KLHL12: variants seen among roughly 807,000 people sequenced by gnomAD.
The protein encoded by KLHL12 is kelch-like protein 12.
A neutral mutation model predicts 60.8 loss-of-function variants in KLHL12; 17 were observed. The observed-to-expected ratio is 0.28, with a 90% confidence interval of 0.19 to 0.42. The LOEUF (loss-of-function observed/expected upper bound fraction) is 0.42. Among genes scored for constraint, KLHL12 ranks in the 10% least tolerant of loss-of-function variants. The probability of loss-of-function intolerance (pLI) is 1.00; values close to 1 mark genes in which losing one functional copy is unlikely to be tolerated. For synonymous variants in KLHL12, 220 were observed against 250.9 expected, an observed-to-expected ratio of 0.88 and a Z score of 1.16; for missense variants, 468 against 722.3, an observed-to-expected ratio of 0.65 and a Z score of 4.04.
In KLHL12 at chr1:202,896,944, A is replaced by C. The variant is rs769880715; in HGVS notation, c.849T>G (p.Leu283=). 1.9e-5 allele frequency: 30 copies of C among 1,613,900 alleles called. No homozygotes were observed. Among genetic ancestry groups the C allele is most frequent in the Non-Finnish European group, 2.5e-5 (29 of 1,179,950 alleles). Residue 283 remains leucine (L), a synonymous_variant, in exon 7 of 12, where the codon CTT becomes CTG. Coordinates refer to ENST00000367261, the MANE Select transcript of KLHL12 (RefSeq NM_021633.4). The stretch of plus-strand genomic sequence containing the variant: ...GGCTTCCAAAGCCCCCAACCACCAA[A>C]AGCACTTCATTGGCTCCTGAAGACA... ...TRARLGANEV[L]LVVGGFGSQQ...
At chr1:202,927,911 G>A (rs1026730172), upstream of KLHL12, among the ~76,000 whole-genome samples, 3 of 151,540 alleles carry the variant, frequency 2.0e-5, no homozygotes, top group African/African-American at 7.3e-5. Context: ...GAACCTGGGA[G>A]GCGGAGGTTG....
intron 4 of KLHL12, 110 bp downstream of exon 4, chr1:202,918,061 C>A: frequency 1.2e-6 from 1 of 825,388 alleles, no homozygotes; most frequent in Non-Finnish European, 2.0e-6. Context: ...ATCTTTGAGC[C>A]AAAATGCACA....
upstream of KLHL12, among the ~76,000 whole-genome samples, chr1:202,928,282 AAAAAAAG>A (rs1242826243): frequency 6.6e-6 from 1 of 151,268 alleles, no homozygotes; most frequent in African/African-American, 2.4e-5. Context: ...CTCAAAAAAA[AAAAAAAG>A]AAAAAAGAAA....
At chr1:202,908,490 G>A (rs970304261) in intron 6 of KLHL12, among the ~76,000 whole-genome samples, 2 of 152,182 alleles carry the variant, frequency 1.3e-5, no homozygotes, top group African/African-American at 2.4e-5. Flanking sequence ...GCACACAGAG[G>A]TTAAGGTTCC....
At chr1:202,903,028 G>A (rs1341849503) in intron 6 of KLHL12, among the ~76,000 whole-genome samples, 2 of 151,188 alleles carry the variant, frequency 1.3e-5, no homozygotes, top group Non-Finnish European at 2.9e-5. Context: ...CACCATGGTG[G>A]CATACGCCTG....
chr1:202,895,491 T>A lies in KLHL12; in HGVS notation c.1135+31A>T. On this transcript the variant is annotated intron_variant, in intron 8 of 11. Coordinates refer to ENST00000367261, the MANE Select transcript of KLHL12 (RefSeq NM_021633.4). This position sits in a 1 kb window ranked among gnomAD's most constrained non-coding sequence, Gnocchi z 4.2. ...AAACCCTGGTCCAGCCACAGTAAGA[T>A]GGAAATAATTGCCCTGCACATCCAG... 1 of 1,593,494 alleles carries A rather than the reference T, an allele frequency of 6.3e-7. No homozygotes were observed. The highest frequency in any genetic ancestry group is 8.6e-7 in the Non-Finnish European group (1 of 1,167,776).
upstream of KLHL12, chr1:202,927,331 T>A: frequency 1.1e-6 from 1 of 935,344 alleles, no homozygotes; most frequent in South Asian, 4.9e-5. Flanking sequence ...TGGTGTCACG[T>A]GACCTGTCTG....
intron 4 of KLHL12, 99 bp from the exon 5 acceptor site, chr1:202,911,302 GC>G (rs1164896918): frequency 7.6e-7 from 1 of 1,311,348 alleles, no homozygotes; most frequent in Non-Finnish European, 1.1e-6. Context: ...GCTTCCCATT[GC>G]CCACCACCAT....
chr1:202,927,303 C>T, upstream of KLHL12: 2 of 983,718 alleles, frequency 2.0e-6, no homozygotes, highest in Non-Finnish European at 2.4e-6. Flanking sequence ...GCTCCAGAGT[C>T]TGCGTCACGT....
intron 6 of KLHL12, among the ~76,000 whole-genome samples, chr1:202,906,021 G>A (rs12747139): frequency 0.021 from 2,680 of 124,766 alleles, 34 homozygotes; most frequent in Non-Finnish European, 0.03. Context: ...GGGTTTCACC[G>A]TGTTAGCCTG....
chr1:202,911,185 C>G lies in KLHL12; in HGVS notation c.586G>C (p.Val196Leu), dbSNP rs767541754. ...ACCCAGTTGATGACAGCCTCAAAGACTGGCTCTTCAGAATCCACCTGTAAA... is the reference window on the plus strand; with the variant it reads ...ACCCAGTTGATGACAGCCTCAAAGAGTGGCTCTTCAGAATCCACCTGTAAA... ...DEIQVDSEEP[V>L]FEAVINWVKH... is the part of the protein sequence containing the mutation. Residue 196 changes from valine (V) to leucine (L), a missense_variant, in exon 5 of 12, where the codon GTC becomes CTC. Physicochemically the swap from Val to Leu is conservative, Grantham distance 32. This residue lies in a region of KLHL12 where 339 missense variants were observed against 525.0 expected (regional missense o/e 0.65). Coordinates refer to ENST00000367261, the MANE Select transcript of KLHL12 (RefSeq NM_021633.4). 6 of 1,614,012 alleles carry G rather than the reference C, an allele frequency of 3.7e-6. No individual in the cohort carries two copies. The highest frequency in any genetic ancestry group is 5.1e-6 in the Non-Finnish European group (6 of 1,180,018).
At chr1:202,923,918 G>T (rs1653367019) in intron 2 of KLHL12, among the ~76,000 whole-genome samples, 2 of 151,832 alleles carry the variant, frequency 1.3e-5, no homozygotes, top group African/African-American at 4.8e-5. Context: ...TTAAAACAGT[G>T]TTTTCATAAT....
rs1395063899 is a variant in KLHL12 at position 202,925,032 on chromosome 1, A to C, written c.131T>G (p.Phe44Cys). Residue 44 changes from phenylalanine (F) to cysteine (C), a missense_variant, in exon 2 of 12, where the codon TTC becomes TGC. Around this residue, in one of 4 missense-constraint regions of KLHL12, gnomAD observed 61 missense variants for 59.9 expected, o/e 1.02. Transcript: ENST00000367261. Reference protein sequence around the residue: ...DVTLRVEQKDFPAHRIVLAAC... With the variant: ...DVTLRVEQKDCPAHRIVLAAC... ...AGCCAGCACAATCCGATGGGCAGGG[A>C]AGTCTTTCTGCTCTACTCTCAATGT... The C allele has an allele frequency of 2.5e-6, 4 of 1,614,190 alleles. No homozygotes were observed. The highest frequency in any genetic ancestry group is 3.4e-6 in the Non-Finnish European group (4 of 1,180,022).
intron 6 of KLHL12, among the ~76,000 whole-genome samples, chr1:202,906,684 T>C (rs934900144): frequency 2.9e-4 from 44 of 152,074 alleles, no homozygotes; most frequent in Admixed American, 5.2e-4. Flanking sequence ...ATTTTTGAGA[T>C]GGAGTCTCAC....
At position 202,927,204 on chromosome 1, in the gene KLHL12, G is replaced by C. The variant is rs1391501318; in HGVS notation, c.-161C>G. On this transcript the variant is annotated 5_prime_UTR_variant, in exon 1 of 12. Coordinates refer to ENST00000367261, the MANE Select transcript of KLHL12 (RefSeq NM_021633.4). The stretch of plus-strand genomic sequence containing the variant: ...AGCCGAAGCGCCGCCCAGACCCGGA[G>C]GCTCTGGAGGCTCTGGAGCCGTCCG... 2.0e-6 allele frequency: 2 copies of C among 985,106 alleles called. No individual in the cohort carries two copies. Among genetic ancestry groups the C allele is most frequent in the South Asian group, 4.7e-5 (1 of 21,284 alleles). The allele number at this position is 985,106 out of a possible 1,614,324, so 61.0% of individuals were successfully genotyped here.
rs77397895 is a variant in KLHL12 at position 202,910,409 on chromosome 1, C to G, written c.717+645G>C. Among the ~76,000 whole-genome samples the G allele has an allele frequency of 2.6e-3, 390 of 152,300 alleles. 2 individuals are homozygous for G. In the East Asian group the frequency reaches 0.039, roughly 15 times the overall value. ...AGATGTGACACTGACCATGCTGCAA[C>G]TTTTCTAATGTGAACAACTGAAAAA... On this transcript the variant is annotated intron_variant, in intron 5 of 11. Coordinates refer to ENST00000367261, the MANE Select transcript of KLHL12 (RefSeq NM_021633.4).
At chr1:202,900,033 T>C (rs113242526) in intron 6 of KLHL12, among the ~76,000 whole-genome samples, 72 of 152,210 alleles carry the variant, frequency 4.7e-4, no homozygotes, top group Non-Finnish European at 8.5e-4. Context: ...CTGACTTGAA[T>C]AGACAAGGTA....
intron 5 of KLHL12, 114 bp downstream of exon 5, chr1:202,910,940 A>C: frequency 3.3e-6 from 4 of 1,213,594 alleles, no homozygotes; most frequent in Non-Finnish European, 4.7e-6. Context: ...TGGCATTCCT[A>C]GAGAGGCAAA....
At position 202,910,939 on chromosome 1, in the gene KLHL12, T is replaced by C. The variant is rs376806380; in HGVS notation, c.717+115A>G. The C allele has an allele frequency of 2.5e-6, 3 of 1,215,328 alleles. No homozygotes were observed. The African/African-American group carries it at 4.5e-5, about 18-fold the overall frequency. 75.3% of individuals were successfully genotyped at this position (1,215,328 alleles called of 1,614,324 possible). On this transcript the variant is annotated intron_variant, in intron 5 of 11. Coordinates refer to ENST00000367261, the MANE Select transcript of KLHL12 (RefSeq NM_021633.4). ...CCAGCACCACTCTCACTGGCATTCC[T>C]AGAGAGGCAAAACAGGAGACTCTGT...
Sources: allele counts gnomAD v4.1 joint callset (sites outside exome capture counted in the v4.1 genomes callset), GRCh38; gene constraint gnomAD v4.1.1; regional missense constraint gnomAD v4.1.1; non-coding constraint Gnocchi (gnomAD v3.1); transcripts MANE v1.5; gene names NCBI Gene and HGNC (gene_info 2026-07-23, HGNC 2026-07-21).